APBB2: variants seen among roughly 807,000 people sequenced by gnomAD.
The protein encoded by APBB2 is amyloid beta precursor protein binding family B member 2, also known as Fe65-like 1.
Under a neutral mutation model 82.5 loss-of-function variants are expected in APBB2, and 38 were observed. The ratio of observed to expected loss-of-function variants is 0.46; its 90% CI spans 0.36 to 0.60. The LOEUF (loss-of-function observed/expected upper bound fraction) is 0.60. Ranked by LOEUF, APBB2 falls within the 20% of genes least tolerant of loss-of-function variation. APBB2 has a pLI of 0.00. For missense variants in APBB2, 772 were observed against 972.3 expected (o/e 0.79, Z 2.74); for synonymous variants, 341 against 368.2 (o/e 0.93, Z 0.85).
intron 4 of APBB2, among the ~76,000 whole-genome samples, chr4:41,041,680 A>T (rs1234292442): frequency 6.6e-6 from 1 of 152,214 alleles, no homozygotes; most frequent in African/African-American, 2.4e-5. Context: ...TTTCGCAAAA[A>T]TACTTAAGGA....
At chr4:40,887,880 C>T (rs930104012) in intron 12 of APBB2, among the ~76,000 whole-genome samples, 1 of 152,134 alleles carries the variant, frequency 6.6e-6, no homozygotes, top group Non-Finnish European at 1.5e-5. Context: ...GTAATACAGC[C>T]CACGTTTCAA....
intron 5 of APBB2, among the ~76,000 whole-genome samples, chr4:41,017,638 C>A (rs748418937): frequency 6.1e-5 from 9 of 148,736 alleles, no homozygotes; most frequent in Non-Finnish European, 1.2e-4. Context: ...CCACTTTGTA[C>A]GAGTTTATAA....
intron 4 of APBB2, among the ~76,000 whole-genome samples, chr4:41,036,109 G>A (rs1469706696): frequency 6.6e-6 from 1 of 152,142 alleles, no homozygotes; most frequent in Non-Finnish European, 1.5e-5. Context: ...AGTGAGCTAT[G>A]ATTGCACCAT....
intron 2 of APBB2, among the ~76,000 whole-genome samples, chr4:41,122,743 T>A (rs1753229771): frequency 6.6e-6 from 1 of 152,166 alleles, no homozygotes; most frequent in Non-Finnish European, 1.5e-5. Context: ...GTAATTTCAG[T>A]GATTTTTTTA....
chr4:41,161,880 A>G (rs1438266601), intron 1 of APBB2, among the ~76,000 whole-genome samples: 2 of 152,160 alleles, frequency 1.3e-5, no homozygotes, highest in Non-Finnish European at 2.9e-5. Flanking sequence ...ACTTTCAAAC[A>G]CATACAAACG....
chr4:40,878,434 G>A (rs1296053157), intron 12 of APBB2, among the ~76,000 whole-genome samples: 1 of 152,080 alleles, frequency 6.6e-6, no homozygotes, highest in Non-Finnish European at 1.5e-5. Context: ...CAGAGAGAAA[G>A]GCACCTGTGT....
At chr4:40,854,578 G>A (rs112244185) in intron 12 of APBB2, among the ~76,000 whole-genome samples, 1,707 of 152,208 alleles carry the variant, frequency 0.011, 35 homozygotes, top group African/African-American at 0.039. Flanking sequence ...GCTAATGCCA[G>A]GAGTTTAAGA....
intron 10 of APBB2, among the ~76,000 whole-genome samples, chr4:40,902,941 G>C (rs573360258): frequency 6.6e-6 from 1 of 152,180 alleles, no homozygotes. Flanking sequence ...GAGAGTTCAA[G>C]ACAAGCCTGG....
At chr4:40,997,398 T>C (rs906534) in intron 6 of APBB2, among the ~76,000 whole-genome samples, 151,930 of 152,374 alleles carry the variant, frequency 1, 75,744 homozygotes, top group Middle Eastern at 1. Flanking sequence ...ATACTTTCTT[T>C]AAACTCTACC....
chr4:41,071,478 C>G (rs1326070363), intron 3 of APBB2, among the ~76,000 whole-genome samples: 1 of 152,076 alleles, frequency 6.6e-6, no homozygotes, highest in Non-Finnish European at 1.5e-5. Flanking sequence ...GTCAGGAGCT[C>G]GAGACCAGCC....
chr4:41,046,664 T>A (rs1723552242), intron 4 of APBB2, among the ~76,000 whole-genome samples: 1 of 152,202 alleles, frequency 6.6e-6, no homozygotes, highest in African/African-American at 2.4e-5. Context: ...CAAGGAAGAT[T>A]TTTTTCCTCT....
intron 5 of APBB2, among the ~76,000 whole-genome samples, chr4:41,031,897 C>T (rs972095981): frequency 1.3e-5 from 2 of 151,974 alleles, no homozygotes; most frequent in African/African-American, 2.4e-5. Flanking sequence ...TACGTATTGA[C>T]AAAATATGTA....
At chr4:41,161,804 C>T (rs1170727031) in intron 1 of APBB2, among the ~76,000 whole-genome samples, 17 of 152,090 alleles carry the variant, frequency 1.1e-4, no homozygotes. Flanking sequence ...GTGTAAAGTT[C>T]TTTCAATTCT....
intron 10 of APBB2, among the ~76,000 whole-genome samples, chr4:40,902,935 G>A (rs188986416): frequency 1.1e-3 from 174 of 152,326 alleles, no homozygotes; most frequent in Middle Eastern, 0.01. Flanking sequence ...GAGGCCGAGA[G>A]TTCAAGACAA....
At chr4:41,106,468 T>TC (rs1747280039) in intron 2 of APBB2, among the ~76,000 whole-genome samples, 1 of 150,622 alleles carries the variant, frequency 6.6e-6, no homozygotes, top group Non-Finnish European at 1.5e-5. Flanking sequence ...GGCACTTTTT[T>TC]TTGTTTCTTT....
chr4:40,944,615 G>A (rs1320303047), intron 7 of APBB2, among the ~76,000 whole-genome samples: 1 of 152,082 alleles, frequency 6.6e-6, no homozygotes, highest in Non-Finnish European at 1.5e-5. Flanking sequence ...TCATTAATCA[G>A]CCCCTCTTGC....
At chr4:41,086,671 T>A (rs1739805008) in intron 3 of APBB2, among the ~76,000 whole-genome samples, 1 of 152,162 alleles carries the variant, frequency 6.6e-6, no homozygotes, top group African/African-American at 2.4e-5. Flanking sequence ...TATCTCAGCA[T>A]AATAAAGGTC....
intron 10 of APBB2, among the ~76,000 whole-genome samples, chr4:40,903,433 C>A (rs1482068195): frequency 6.6e-6 from 1 of 152,202 alleles, no homozygotes; most frequent in Non-Finnish European, 1.5e-5. Flanking sequence ...TGCCACTGCA[C>A]TCCAGCCTGG....
intron 1 of APBB2, among the ~76,000 whole-genome samples, chr4:41,161,916 C>G (rs889919914): frequency 2.0e-5 from 3 of 152,260 alleles, no homozygotes; most frequent in Non-Finnish European, 1.5e-5. Context: ...AACCCCCATA[C>G]AGCCAGCCAT....
Sources: gnomAD v4.1 joint callset for allele counts (sites outside exome capture counted in the v4.1 genomes callset) on GRCh38, gnomAD v4.1.1 for gene constraint, MANE v1.5 for transcripts, NCBI Gene and HGNC (gene_info 2026-07-23, HGNC 2026-07-21) for gene names.